The following COL12A1 variants were observed in gnomAD, a reference collection of about 807,000 sequenced individuals.
COL12A1 encodes the protein collagen alpha-1(XII) chain.
In COL12A1, 114 loss-of-function variants were observed where a neutral mutation model predicts 349.7. The ratio of observed to expected loss-of-function variants is 0.33; its 90% CI spans 0.28 to 0.38. The LOEUF is 0.38. COL12A1 is among the 10% of genes least tolerant of loss of function. The pLI is 1.00. For missense variants in COL12A1, 3,284 were observed against 3,756.9 expected (o/e 0.87, Z 3.29); for synonymous variants, 1,369 against 1,329.0 (o/e 1.03, Z -0.66).
At chr6:75,197,128 AAAT>A (rs1770267072) in intron 2 of COL12A1, among the ~76,000 whole-genome samples, 1 of 152,164 alleles carries the variant, frequency 6.6e-6, no homozygotes. Flanking sequence ...TTTCATGAAA[AAAT>A]AATAATAAAG....
chr6:75,102,452 C>G (rs1051976747), intron 56 of COL12A1, 145 bp downstream of exon 56: 3 of 521,180 alleles, frequency 5.8e-6, no homozygotes, highest in Non-Finnish European at 9.6e-6. Flanking sequence ...TCTAAAATAA[C>G]AGTCATCATA....
intron 26 of COL12A1, among the ~76,000 whole-genome samples, chr6:75,142,537 T>A (rs1239992703): frequency 6.6e-6 from 1 of 152,226 alleles, no homozygotes; most frequent in African/African-American, 2.4e-5. Flanking sequence ...CTGGCCATTG[T>A]ACCCCTTTTA....
At chr6:75,148,990 G>A (rs1380168487) in intron 21 of COL12A1, among the ~76,000 whole-genome samples, 1 of 151,986 alleles carries the variant, frequency 6.6e-6, no homozygotes, top group Non-Finnish European at 1.5e-5. Context: ...CTTTCACTTG[G>A]CTCTCATTCT....
At chr6:75,190,822 T>C (rs1769888773) in intron 5 of COL12A1, among the ~76,000 whole-genome samples, 1 of 151,930 alleles carries the variant, frequency 6.6e-6, no homozygotes, top group Non-Finnish European at 1.5e-5. Flanking sequence ...ATTTAATAGG[T>C]GAATTTAAGC....
At chr6:75,151,406 ATAAT>A in intron 20 of COL12A1, 119 bp from the exon 21 acceptor site, 1 of 781,854 alleles carries the variant, frequency 1.3e-6, no homozygotes, top group South Asian at 2.0e-5. Flanking sequence ...TGAAGGTTTA[ATAAT>A]TAGTTAACTA....
At chr6:75,147,594 T>C in intron 23 of COL12A1, 81 bp downstream of exon 23, 1 of 1,309,604 alleles carries the variant, frequency 7.6e-7, no homozygotes, top group South Asian at 1.5e-5. Context: ...AAGAAATTAT[T>C]TGGAAGGTAG....
At position 75,142,110 on chromosome 6, in the gene COL12A1, G is replaced by T; in HGVS notation, c.4879C>A (p.Gln1627Lys). Residue 1627 changes from glutamine to lysine, a missense_variant, in exon 27 of 66, where the codon CAG (glutamine) becomes AAG (lysine). Transcript: ENST00000322507. ...GAAACGCTGACTGTGTACAAGGTCTGTGAGAAGAGGTCTTTGAGGGAAGTG... is the reference window on the plus strand; with the variant it reads ...GAAACGCTGACTGTGTACAAGGTCTTTGAGAAGAGGTCTTTGAGGGAAGTG... ...TSTSLKDLFS[Q>K]TLYTVSVSAV... The T allele has an allele frequency of 1.2e-6, 2 of 1,614,156 alleles. No homozygotes were observed. The highest frequency in any genetic ancestry group is 1.7e-6 in the Non-Finnish European group (2 of 1,179,986).
At position 75,086,567 on chromosome 6, in the gene COL12A1, G is replaced by C; in HGVS notation, c.9182-10C>G. ...ATGTGTTAGCCGGAACCTGAAACAG[G>C]TCAAAGATGATAGTTTTTAAAAGTT... On this transcript the variant is annotated splice_polypyrimidine_tract_variant and intron_variant, in intron 65 of 65. Coordinates refer to ENST00000322507, the MANE Select transcript of COL12A1 (RefSeq NM_004370.6). The C allele has an allele frequency of 6.3e-7, 1 of 1,597,576 alleles. No individual in the cohort carries two copies. Among genetic ancestry groups the C allele is most frequent in the Non-Finnish European group, 8.5e-7 (1 of 1,170,664 alleles).
Position 75,145,403 on chromosome 6 carries a change from T to C in COL12A1, c.4613A>G (p.Asn1538Ser), listed in dbSNP as rs115246424. Residue 1538 changes from asparagine (N) to serine (S), a missense_variant, in exon 25 of 66, where the codon AAC becomes AGC. This residue lies in a region of COL12A1 where 2,601 missense variants were observed against 2,824.8 expected (regional missense o/e 0.92). Coordinates refer to ENST00000322507, the MANE Select transcript of COL12A1 (RefSeq NM_004370.6). ...NDMQLTDLVPNTEYAVTVQAV... is the reference protein window; with the variant it reads ...NDMQLTDLVPSTEYAVTVQAV... ...CTGGACTGTGACTGCATACTCCGTG[T>C]TGGGAACAAGGTCAGTCAGCTGCAT... The C allele has an allele frequency of 7.1e-5, 114 of 1,614,022 alleles. No individual in the cohort carries two copies. In the African/African-American group the frequency reaches 9.1e-4, roughly 13 times the overall value.
At chr6:75,180,843 T>C in intron 11 of COL12A1, 96 bp downstream of exon 11, 1 of 1,421,608 alleles carries the variant, frequency 7.0e-7, no homozygotes, top group East Asian at 2.3e-5. Context: ...CATTGGCAAT[T>C]CTGAACTATA....
At chr6:75,130,277 C>A in intron 36 of COL12A1, 44 bp from the exon 37 acceptor site, 1 of 1,598,236 alleles carries the variant, frequency 6.3e-7, no homozygotes, top group Non-Finnish European at 8.5e-7. Flanking sequence ...TGCCTGTGAG[C>A]ATTACCTAAG....
intron 14 of COL12A1, among the ~76,000 whole-genome samples, chr6:75,160,289 C>A (rs369856434): frequency 1.4e-4 from 21 of 152,274 alleles, no homozygotes; most frequent in African/African-American, 5.1e-4. Flanking sequence ...GCTTTCTAAC[C>A]CCAATTCATG....
intron 52 of COL12A1, 117 bp from the exon 53 acceptor site, chr6:75,106,613 T>C (rs949908935): frequency 1.2e-6 from 1 of 808,722 alleles, no homozygotes; most frequent in Admixed American, 2.0e-5. Flanking sequence ...GTGTGAGCCA[T>C]TGAGAGCAAT....
Position 75,188,503 on chromosome 6 carries a change from G to C in COL12A1, c.856C>G (p.Gln286Glu), listed in dbSNP as rs369360559. ...TTCAGTGAAGGTGTGGAGGCAATTT[G>C]TTTGAGTTCTTTTGCATCTGCAGCT... is the stretch of plus-strand genomic sequence containing the variant. ...IKAADAKELKQIASTPSLNHV... is the reference protein window; with the variant it reads ...IKAADAKELKEIASTPSLNHV... The change falls in exon 8 of 66, where the codon CAA (glutamine) becomes GAA (glutamate). Residue 286 changes from glutamine (Q) to glutamate (E), a missense_variant. Coordinates refer to ENST00000322507, the MANE Select transcript of COL12A1 (RefSeq NM_004370.6). The C allele has an allele frequency of 5.2e-5, 84 of 1,613,182 alleles. No homozygotes were observed. Among genetic ancestry groups the C allele is most frequent in the Non-Finnish European group, 6.6e-5 (78 of 1,179,558 alleles).
intron 38 of COL12A1, 42 bp from the exon 39 acceptor site, chr6:75,126,512 C>T: frequency 6.3e-7 from 1 of 1,577,660 alleles, no homozygotes. Context: ...CTTTTATTGG[C>T]ACACAGGGAG....
chr6:75,185,533 G>T (rs1018156574), intron 8 of COL12A1, among the ~76,000 whole-genome samples: 23 of 152,126 alleles, frequency 1.5e-4, no homozygotes, highest in Non-Finnish European at 2.5e-4. Flanking sequence ...CATTAAAATG[G>T]CCATACTGCC....
intron 2 of COL12A1, among the ~76,000 whole-genome samples, chr6:75,197,315 T>TTCC (rs1554189822): frequency 2.5e-5 from 3 of 121,780 alleles, no homozygotes; most frequent in Non-Finnish European, 3.4e-5. Context: ...TTTCTTTTCT[T>TTCC]TTTTTTTTTT....
intron 59 of COL12A1, among the ~76,000 whole-genome samples, chr6:75,096,798 A>C (rs1350630002): frequency 6.8e-6 from 1 of 146,748 alleles, no homozygotes; most frequent in African/African-American, 2.5e-5. Flanking sequence ...CGGGAGGCTG[A>C]GGCAGGAGAA....
intron 46 of COL12A1, among the ~76,000 whole-genome samples, chr6:75,118,019 C>T (rs1769170849): frequency 6.6e-6 from 1 of 152,000 alleles, no homozygotes; most frequent in African/African-American, 2.4e-5. Context: ...CTCTCACTGG[C>T]AACAGACGGG....
Sources: gnomAD v4.1 joint callset for allele counts (sites outside exome capture counted in the v4.1 genomes callset) on GRCh38, gnomAD v4.1.1 for gene constraint, gnomAD v4.1.1 regional missense constraint, MANE v1.5 for transcripts, NCBI Gene and HGNC (gene_info 2026-07-23, HGNC 2026-07-21) for gene names.